TAFA2: variants seen among roughly 807,000 people sequenced by gnomAD.
The protein encoded by TAFA2 is TAFA chemokine like family member 2.
TAFA2 carries 7 observed loss-of-function variants against 18.8 expected under a neutral mutation model. The ratio of observed to expected loss-of-function variants is 0.37; its 90% confidence interval spans 0.21 to 0.70. The LOEUF (loss-of-function observed/expected upper bound fraction) is 0.70. TAFA2 is among the 30% of genes least tolerant of loss of function. The pLI, the probability that TAFA2 is intolerant of heterozygous loss-of-function variation, is 0.53. For synonymous variants in TAFA2, 60 were observed against 54.2 expected, an observed-to-expected ratio of 1.11 and a Z score of -0.47; for missense variants, 122 against 158.1, an observed-to-expected ratio of 0.77 and a Z score of 1.23.
chr12:61,758,357 A>T (rs970256176), intron 2 of TAFA2, among the ~76,000 whole-genome samples: 13 of 152,076 alleles, frequency 8.5e-5, no homozygotes, highest in African/African-American at 3.1e-4. Flanking sequence ...GTAGAGAGGG[A>T]AAATGACAAC....
At chr12:62,219,514 C>CA (rs1213480203) in intron 1 of TAFA2, among the ~76,000 whole-genome samples, 2 of 152,102 alleles carry the variant, frequency 1.3e-5, no homozygotes, top group African/African-American at 4.8e-5. Flanking sequence ...CGATAATAAT[C>CA]AAAAGTTAAT....
At chr12:61,798,783 A>G (rs1219928981) in intron 2 of TAFA2, among the ~76,000 whole-genome samples, 1 of 152,260 alleles carries the variant, frequency 6.6e-6, no homozygotes, top group African/African-American at 2.4e-5. Context: ...ACATTGTTAA[A>G]CATCTTGTAG....
intron 1 of TAFA2, among the ~76,000 whole-genome samples, chr12:61,878,876 C>A (rs763115418): frequency 2.6e-5 from 4 of 152,186 alleles, no homozygotes; most frequent in Admixed American, 2.0e-4. Context: ...AGAACTTTTA[C>A]ATCTGTGACC....
chr12:62,183,738 A>G (rs1592388295), intron 1 of TAFA2, among the ~76,000 whole-genome samples: 1 of 152,322 alleles, frequency 6.6e-6, no homozygotes, highest in Non-Finnish European at 1.5e-5. Flanking sequence ...AGTGCCCAAT[A>G]AATACTTATT....
chr12:61,976,792 C>T (rs549852616), intron 1 of TAFA2, among the ~76,000 whole-genome samples: 77 of 152,098 alleles, frequency 5.1e-4, no homozygotes, highest in Non-Finnish European at 7.2e-4. Flanking sequence ...TCTGTCCTTG[C>T]GATAGTTTGC....
chr12:62,018,738 C>CTAT (rs1881021047), intron 1 of TAFA2, among the ~76,000 whole-genome samples: 1 of 152,150 alleles, frequency 6.6e-6, no homozygotes, highest in Non-Finnish European at 1.5e-5. Context: ...AAAACCTAGG[C>CTAT]AATACCATTC....
intron 1 of TAFA2, among the ~76,000 whole-genome samples, chr12:62,241,091 T>G (rs987170388): frequency 6.6e-6 from 1 of 152,158 alleles, no homozygotes; most frequent in Non-Finnish European, 1.5e-5. Context: ...TATAAACTCC[T>G]TGAGGAAGTA....
chr12:62,066,448 C>T (rs1463832031), intron 1 of TAFA2, among the ~76,000 whole-genome samples: 1 of 151,880 alleles, frequency 6.6e-6, no homozygotes, highest in Non-Finnish European at 1.5e-5. Context: ...CACTTCCCCC[C>T]ACCACCCTCA....
At chr12:62,197,710 T>C (rs1328904513), upstream of TAFA2, among the ~76,000 whole-genome samples, 4 of 152,214 alleles carry the variant, frequency 2.6e-5, no homozygotes, top group African/African-American at 9.6e-5. Context: ...TTATGTGTTC[T>C]TTTTTTGTCA....
chr12:61,947,768 ATATGTCTGTGTACCC>A (rs1227728249), intron 1 of TAFA2, among the ~76,000 whole-genome samples: 5 of 152,156 alleles, frequency 3.3e-5, no homozygotes, highest in Admixed American at 3.3e-4. Context: ...TCAATGCTTC[ATATGTCTGTGTACCC>A]TAAAAGACTT....
rs550465854 is a variant in TAFA2, at chr12:62,211,618, C to A, written c.-130+47145G>T. ...AAGGTAGAAAAATGGCCATAGAACT[C>A]TGGGTATGATAAGAAAAGGACTTTT... On this transcript the variant is annotated intron_variant, in intron 1 of 5. Coordinates refer to the TAFA2 transcript ENST00000551619. 1.4e-4 allele frequency among the ~76,000 whole-genome samples: 21 copies of A among 151,116 alleles called. No individual in the cohort carries two copies. The South Asian group carries it at 2.7e-3, about 20-fold the overall frequency.
Position 61,709,270 on chromosome 12 carries a change from A to G in TAFA2, c.*1136T>C, listed in dbSNP as rs139579127. 46 of 152,654 alleles carry G rather than the reference A, an allele frequency of 3.0e-4. No individual in the cohort carries two copies. The East Asian group carries it at 8.7e-3, about 29-fold the overall frequency. 9.5% of individuals were successfully genotyped at this position (152,654 alleles called of 1,614,324 possible). The stretch of plus-strand genomic sequence containing the variant: ...AATCGCTACAAAAATGTCACAAAAT[A>G]TTGGCCTAACAAATTGTTTGAATAG... On this transcript the variant is annotated 3_prime_UTR_variant, in exon 5 of 5. Coordinates refer to ENST00000416284, the MANE Select transcript of TAFA2 (RefSeq NM_178539.5).
intron 1 of TAFA2, among the ~76,000 whole-genome samples, chr12:61,947,135 T>G (rs1380355175): frequency 2.9e-5 from 4 of 137,642 alleles, no homozygotes; most frequent in Non-Finnish European, 4.6e-5. Context: ...CCATAAAAAA[T>G]GATGAGTTCA....
At chr12:62,133,162 C>G (rs1870757757) in intron 1 of TAFA2, among the ~76,000 whole-genome samples, 10 of 151,986 alleles carry the variant, frequency 6.6e-5, no homozygotes, top group Admixed American at 6.6e-4. Context: ...ATTCCATGTG[C>G]ATCTTCCATA....
At chr12:62,146,395 T>C (rs1168609427) in intron 1 of TAFA2, among the ~76,000 whole-genome samples, 2 of 148,648 alleles carry the variant, frequency 1.3e-5, no homozygotes, top group African/African-American at 4.9e-5. Flanking sequence ...GTGATCCTCC[T>C]ACCTCAGCCT....
At chr12:62,250,819 C>A (rs932174312) in intron 1 of TAFA2, among the ~76,000 whole-genome samples, 6 of 152,116 alleles carry the variant, frequency 3.9e-5, no homozygotes, top group Admixed American at 3.9e-4. Context: ...TGAGGTCTTG[C>A]ATAGTTAGGC....
chr12:61,961,650 A>G (rs1180582369), intron 1 of TAFA2, among the ~76,000 whole-genome samples: 1 of 152,010 alleles, frequency 6.6e-6, no homozygotes, highest in African/African-American at 2.4e-5. Context: ...ATAGCCGAAC[A>G]GGAATTCACA....
chr12:61,842,165 A>C (rs1873213928), intron 2 of TAFA2, among the ~76,000 whole-genome samples: 1 of 152,066 alleles, frequency 6.6e-6, no homozygotes, highest in Admixed American at 6.6e-5. Flanking sequence ...CTTCTCAGCC[A>C]CATAAATAGG....
In TAFA2 at chr12:61,971,517, A is replaced by T. The variant is rs150755157; in HGVS notation, c.-1-104091T>A. ...AAAAGAAAAAAAGAAAATGTGGCAC[A>T]TATACAACATGGAATACTATGCAGC... On this transcript the variant is annotated intron_variant, in intron 1 of 4. Transcript: ENST00000416284. 6.0e-3 allele frequency among the ~76,000 whole-genome samples: 909 copies of T among 151,732 alleles called. 4 individuals carry two copies. Among genetic ancestry groups the T allele is most frequent in the African/African-American group, 0.021 (879 of 41,434 alleles).
Sources: gnomAD v4.1 joint callset for allele counts (sites outside exome capture counted in the v4.1 genomes callset) on GRCh38, gnomAD v4.1.1 for gene constraint, MANE v1.5 for transcripts, NCBI Gene and HGNC (gene_info 2026-07-23, HGNC 2026-07-21) for gene names.